Variants in SPG7 observed in about 807,000 individuals in gnomAD.
SPG7 encodes the protein mitochondrial inner membrane m-AAA protease component paraplegin.
In SPG7, 103 loss-of-function variants were observed where a neutral mutation model predicts 81.9. The observed-to-expected ratio is 1.26, with a 90% CI of 1.07 to 1.48. The LOEUF (loss-of-function observed/expected upper bound fraction) is 1.48. Ranked by LOEUF, SPG7 falls within the 40% of genes most tolerant of loss-of-function variation. The pLI is 0.00. For synonymous variants in SPG7, 534 were observed against 444.2 expected, an observed-to-expected ratio of 1.20 and a Z score of -2.54; for missense variants, 1,241 against 1,087.3, an observed-to-expected ratio of 1.14 and a Z score of -1.99.
intron 9 of SPG7, among the ~76,000 whole-genome samples, chr16:89,536,551 G>A (rs1220052168): frequency 6.8e-6 from 1 of 146,898 alleles, no homozygotes; most frequent in African/African-American, 2.5e-5. Flanking sequence ...GGTGAGGCAG[G>A]TGAGGTGAGG....
chr16:89,512,565 T>C (rs972817107), intron 2 of SPG7, among the ~76,000 whole-genome samples: 3 of 150,766 alleles, frequency 2.0e-5, no homozygotes, highest in Admixed American at 2.0e-4. Context: ...CCTGCCTCGG[T>C]CTCCCAAAGT....
rs2058570594 is a variant in SPG7 at position 89,546,830 on chromosome 16, C to T, written c.1552+70C>T. 25 of 985,692 alleles carry T rather than the reference C, an allele frequency of 2.5e-5. No individual in the cohort carries two copies. In the South Asian group the frequency reaches 3.1e-4, roughly 12 times the overall value. 61.1% of individuals were successfully genotyped at this position (985,692 alleles called of 1,614,324 possible). ...CAGGTGGTGTCACCTGCGCAAACAGCATCGAGGCCTCCTCTGTGGGGTGGG... is the reference window on the plus strand; with the variant it reads ...CAGGTGGTGTCACCTGCGCAAACAGTATCGAGGCCTCCTCTGTGGGGTGGG... On this transcript the variant is annotated intron_variant, in intron 11 of 16. Coordinates refer to ENST00000645818, the MANE Select transcript of SPG7 (RefSeq NM_003119.4).
intron 9 of SPG7, chr16:89,537,350 G>A (rs913934972): frequency 6.8e-5 from 79 of 1,164,434 alleles, no homozygotes; most frequent in Middle Eastern, 7.4e-4. Context: ...TCCAGGTCCC[G>A]GCTCCTGTGC....
intron 2 of SPG7, among the ~76,000 whole-genome samples, chr16:89,511,946 C>A (rs145031870): frequency 6.6e-6 from 1 of 152,000 alleles, no homozygotes; most frequent in Non-Finnish European, 1.5e-5. Context: ...GAGTCTTGCT[C>A]TGTCTCCCAG....
In SPG7 at chr16:89,532,656, G is replaced by A. The variant is rs751096279; in HGVS notation, c.1324+20G>A. ...TGGATGGTCAGTGCTCGTGCGCCCC[G>A]CACCCCCATTGCACCATCAGAGGAG... On this transcript the variant is annotated intron_variant, in intron 9 of 16. Transcript: ENST00000645818. 28 of 1,612,354 alleles carry A rather than the reference G, an allele frequency of 1.7e-5. No individual in the cohort carries two copies. Among genetic ancestry groups the A allele is most frequent in the Non-Finnish European group, 2.4e-5 (28 of 1,179,936 alleles).
chr16:89,548,513 CG>C (rs2058594418), intron 12 of SPG7: 1 of 302,578 alleles, frequency 3.3e-6, no homozygotes, highest in Non-Finnish European at 6.4e-6. Flanking sequence ...TGCTGCCGCC[CG>C]TGGCTGTGGA....
chr16:89,513,389 G>A (rs1257088864), intron 3 of SPG7, among the ~76,000 whole-genome samples: 3 of 152,048 alleles, frequency 2.0e-5, no homozygotes, highest in Non-Finnish European at 2.9e-5. Context: ...GATGGCACAC[G>A]CCTGTAATCC....
chr16:89,537,492 A>G (rs2058441541), intron 9 of SPG7: 1 of 999,196 alleles, frequency 1.0e-6, no homozygotes, highest in Non-Finnish European at 1.2e-6. Context: ...CCTGACGTGC[A>G]GCCACACACA....
intron 14 of SPG7, chr16:89,553,389 T>C (rs2058656245): frequency 3.6e-6 from 2 of 554,602 alleles, no homozygotes; most frequent in African/African-American, 1.9e-5. Flanking sequence ...TGGTAATGGC[T>C]ACAGGAAACG....
chr16:89,550,971 A>G (rs1049099781), intron 13 of SPG7, among the ~76,000 whole-genome samples: 1 of 152,222 alleles, frequency 6.6e-6, no homozygotes, highest in East Asian at 1.9e-4. Context: ...TTGAGTGTAC[A>G]TTTAAAAAAT....
chr16:89,516,397 A>T (rs941029126), intron 3 of SPG7, among the ~76,000 whole-genome samples: 2 of 152,048 alleles, frequency 1.3e-5, no homozygotes, highest in African/African-American at 4.8e-5. Flanking sequence ...CCAAAAAAAA[A>T]AAAAATTAGC....
intron 15 of SPG7, 85 bp downstream of exon 15, chr16:89,554,045 C>A: frequency 6.7e-7 from 1 of 1,485,222 alleles, no homozygotes; most frequent in Non-Finnish European, 9.2e-7. Context: ...TCGCCCACGG[C>A]CGCCCCAGCG....
At chr16:89,529,414 G>T in intron 5 of SPG7, 63 bp from the exon 6 acceptor site, 1 of 1,071,376 alleles carries the variant, frequency 9.3e-7, no homozygotes, top group South Asian at 1.3e-5. Flanking sequence ...GTTCTGATTT[G>T]GAAGCCTGCG....
chr16:89,517,938 A>G (rs2058125724), intron 3 of SPG7: 1 of 152,160 alleles, frequency 6.6e-6, no homozygotes, highest in South Asian at 2.1e-4. Flanking sequence ...TTTTATGTTT[A>G]TTCTGTTTTG....
intron 10 of SPG7, chr16:89,545,150 T>C (rs2058547051): frequency 5.7e-6 from 2 of 352,026 alleles, no homozygotes; most frequent in Non-Finnish European, 1.1e-5. Context: ...AACTTTATTC[T>C]TGTGTGGCAT....
intron 5 of SPG7, chr16:89,527,460 G>C (rs932546222): frequency 6.6e-6 from 1 of 152,170 alleles, no homozygotes; most frequent in Non-Finnish European, 1.5e-5. Flanking sequence ...AGTATATTTT[G>C]TTTTCAAAAG....
At chr16:89,550,397 T>A in intron 12 of SPG7, 97 bp from the exon 13 acceptor site, 1 of 835,656 alleles carries the variant, frequency 1.2e-6, no homozygotes, top group Admixed American at 1.7e-5. Context: ...GGTCTCGAAC[T>A]CCTGTCCTCA....
At position 89,524,210 on chromosome 16, in the gene SPG7, T is replaced by C; in HGVS notation, c.581T>C (p.Val194Ala). ...GTGCCTGAGAGCGACGTGGTGGAAG[T>C]CTACCTGCACCCTGGAGCCGTGGTG... ...QVVPESDVVEVYLHPGAVVFG... is the reference protein window; with the variant it reads ...QVVPESDVVEAYLHPGAVVFG... The change falls in exon 4 of 17, where the codon GTC (valine) becomes GCC (alanine). Residue 194 changes from valine (V) to alanine (A), a missense_variant. By Grantham distance (64) the Val-to-Ala change is moderately conservative. Transcript: ENST00000645818. 2.5e-6 allele frequency: 4 copies of C among 1,613,348 alleles called. No individual in the cohort carries two copies. Among genetic ancestry groups the C allele is most frequent in the Non-Finnish European group, 3.4e-6 (4 of 1,179,904 alleles).
chr16:89,516,038 A>G (rs1418776740), intron 3 of SPG7, among the ~76,000 whole-genome samples: 3 of 151,756 alleles, frequency 2.0e-5, no homozygotes, highest in African/African-American at 7.3e-5. Context: ...CCCAGGCTAG[A>G]GTGCAATGGC....
Sources: allele counts gnomAD v4.1 joint callset (sites outside exome capture counted in the v4.1 genomes callset), GRCh38; gene constraint gnomAD v4.1.1; transcripts MANE v1.5; gene names NCBI Gene and HGNC (gene_info 2026-07-23, HGNC 2026-07-21).